The following FBXO34 variants were observed in gnomAD, a reference collection of about 807,000 sequenced individuals.
The protein encoded by FBXO34 is F-box protein 34, also known as F-box only protein 34.
A neutral mutation model predicts 24.5 loss-of-function variants in FBXO34; 12 were observed. That is an observed-to-expected ratio of 0.49 (90% CI 0.31 to 0.79). The LOEUF is 0.79. Ranked by LOEUF, FBXO34 falls within the 30% of genes least tolerant of loss-of-function variation. The pLI, the probability that FBXO34 is intolerant of heterozygous loss-of-function variation, is 0.04. For synonymous variants in FBXO34, 320 were observed against 311.9 expected, an observed-to-expected ratio of 1.03 and a Z score of -0.27; for missense variants, 823 against 857.7, an observed-to-expected ratio of 0.96 and a Z score of 0.51.
chr14:55,364,142 T>C (rs540098252), downstream of FBXO34, among the ~76,000 whole-genome samples: 258 of 151,822 alleles, frequency 1.7e-3, no homozygotes, highest in Non-Finnish European at 2.7e-3. Context: ...AGAGACCGGG[T>C]TTCTCCATGT....
chr14:55,290,043 G>T (rs959559662), intron 1 of FBXO34, among the ~76,000 whole-genome samples: 11 of 152,074 alleles, frequency 7.2e-5, no homozygotes, highest in African/African-American at 2.2e-4. Flanking sequence ...GTGATTTAGG[G>T]CTCATCTGGA....
the FBXO34 span, chr14:55,391,097 T>C: frequency 1.3e-6 from 1 of 741,158 alleles, no homozygotes; most frequent in South Asian, 1.9e-5. Flanking sequence ...GAAAACATAA[T>C]GAAGAAAAAG....
Position 55,352,098 on chromosome 14 carries a change from G to A in FBXO34, c.1708G>A (p.Glu570Lys). Reference sequence around the variant, plus strand: ...CAGGTTTAAAATCCAGCAGCTTTTGGAGCCTCAGCAGTACATGGCTTTTCT... The same window carrying A: ...CAGGTTTAAAATCCAGCAGCTTTTGAAGCCTCAGCAGTACATGGCTTTTCT... The part of the protein sequence containing the change: ...ETRFKIQQLL[E>K]PQQYMAFLPH... Residue 570 changes from glutamate (E) to lysine (K), a missense_variant, in exon 2 of 2, where the codon GAG (glutamate) becomes AAG (lysine). Transcript: ENST00000313833. 1 of 1,614,180 alleles carries A rather than the reference G, an allele frequency of 6.2e-7. No homozygotes were observed. Among genetic ancestry groups the A allele is most frequent in the Non-Finnish European group, 8.5e-7 (1 of 1,180,044 alleles).
downstream of FBXO34, chr14:55,369,676 G>T: frequency 6.3e-7 from 1 of 1,581,940 alleles, no homozygotes; most frequent in Non-Finnish European, 8.6e-7. Flanking sequence ...CTGCAGAGGA[G>T]ATCATCCCAC....
chr14:55,349,742 G>A (rs28571232), intron 1 of FBXO34, among the ~76,000 whole-genome samples: 2,848 of 151,940 alleles, frequency 0.019, 95 homozygotes, highest in African/African-American at 0.059. Context: ...GAGTAGCTGG[G>A]ATTACAGGCA....
chr14:55,388,960 A>C, the FBXO34 span, among the ~76,000 whole-genome samples: 1 of 151,960 alleles, frequency 6.6e-6, no homozygotes, highest in East Asian at 1.9e-4. Flanking sequence ...TTTTTTTTTC[A>C]ACATGGCGAT....
chr14:55,391,006 G>T, the FBXO34 span: 1 of 1,584,814 alleles, frequency 6.3e-7, no homozygotes, highest in East Asian at 2.2e-5. Flanking sequence ...AAAAAAGCAT[G>T]TAATAAATAT....
At chr14:55,319,082 G>A (rs1434931357) in intron 1 of FBXO34, among the ~76,000 whole-genome samples, 1 of 152,152 alleles carries the variant, frequency 6.6e-6, no homozygotes, top group Non-Finnish European at 1.5e-5. Context: ...ATTTAAGTAG[G>A]AAAATTTGCC....
chr14:55,360,993 G>A (rs532382360), intron 3 of FBXO34, among the ~76,000 whole-genome samples: 13 of 150,920 alleles, frequency 8.6e-5, no homozygotes, highest in Non-Finnish European at 1.8e-4. Context: ...GTGAGATCCT[G>A]TCTCAAAAAG....
At position 55,360,687 on chromosome 14, in the gene FBXO34, AGCCAAACTCCTGTTAATGTTGATATTTTG is replaced by A. The variant is rs1884582255; in HGVS notation, c.*589-1042_*589-1014del. On this transcript the variant is annotated intron_variant and NMD_transcript_variant, in intron 3 of 3. Transcript: ENST00000555280. The stretch of plus-strand genomic sequence containing the variant: ...GAAGGTGAAAGTAGAAAGGATTGTA[AGCCAAACTCCTGTTAATGTTGATATTTTG>A]GCCGGGCATGGTGGCTCACATCTGT... Among the ~76,000 whole-genome samples, 4 of 152,266 alleles carry A rather than the reference AGCCAAACTCCTGTTAATGTTGATATTTTG, an allele frequency of 2.6e-5. No individual in the cohort carries two copies. In the South Asian group the frequency reaches 8.3e-4, roughly 32 times the overall value.
chr14:55,332,457 A>G (rs1463036872), intron 1 of FBXO34, among the ~76,000 whole-genome samples: 1 of 152,186 alleles, frequency 6.6e-6, no homozygotes, highest in East Asian at 1.9e-4. Context: ...ATAAGATCCC[A>G]GGTAATGCAG....
chr14:55,428,750 A>G, the FBXO34 span: 4 of 1,536,264 alleles, frequency 2.6e-6, no homozygotes, highest in South Asian at 1.2e-5. Flanking sequence ...TAAGCAACCC[A>G]TAATGTAACT....
chr14:55,307,943 A>G (rs929255953), intron 1 of FBXO34, among the ~76,000 whole-genome samples: 3 of 152,168 alleles, frequency 2.0e-5, no homozygotes, highest in African/African-American at 7.2e-5. Flanking sequence ...AATAATCCCC[A>G]TGTGTCAAGG....
At chr14:55,389,346 G>T in the FBXO34 span, among the ~76,000 whole-genome samples, 2 of 152,334 alleles carry the variant, frequency 1.3e-5, no homozygotes, top group African/African-American at 4.8e-5. Context: ...TGTTGCTACT[G>T]AACAAAGAGC....
chr14:55,318,970 C>T (rs1170960322), intron 1 of FBXO34, among the ~76,000 whole-genome samples: 3 of 152,128 alleles, frequency 2.0e-5, no homozygotes, highest in Non-Finnish European at 2.9e-5. Context: ...CTTAATTTCA[C>T]ACTAGGTCAT....
the FBXO34 span, chr14:55,414,460 A>G: frequency 3.1e-6 from 5 of 1,593,486 alleles, no homozygotes; most frequent in Admixed American, 7.0e-5. Flanking sequence ...TGGCACCTAT[A>G]AAGAAATCCA....
At chr14:55,414,273 A>C in the FBXO34 span, 4 of 845,830 alleles carry the variant, frequency 4.7e-6, no homozygotes, top group Non-Finnish European at 7.5e-6. Flanking sequence ...TTAATAAGTA[A>C]CGTACTTGTA....
At chr14:55,304,932 G>T (rs1882488137) in intron 1 of FBXO34, among the ~76,000 whole-genome samples, 2 of 151,948 alleles carry the variant, frequency 1.3e-5, no homozygotes, top group African/African-American at 4.8e-5. Context: ...GTACTTTTTG[G>T]TGAAAATTAT....
downstream of FBXO34, chr14:55,353,734 C>T (rs989485992): frequency 1.2e-5 from 2 of 162,136 alleles, no homozygotes; most frequent in Admixed American, 6.5e-5. Flanking sequence ...TTTTTTTCTG[C>T]CACGGAAGAG....
Sources: allele counts gnomAD v4.1 joint callset (sites outside exome capture counted in the v4.1 genomes callset), GRCh38; gene constraint gnomAD v4.1.1; transcripts MANE v1.5; gene names NCBI Gene and HGNC (gene_info 2026-07-23, HGNC 2026-07-21).